Variants in OLFM2 observed in about 807,000 individuals in gnomAD.
The protein encoded by OLFM2 is noelin-2.
Under a neutral mutation model 43.9 loss-of-function variants are expected in OLFM2, and 20 were observed. That is an observed-to-expected ratio of 0.46 (90% CI 0.32 to 0.66). The LOEUF (loss-of-function observed/expected upper bound fraction) is 0.66, where lower values mean the gene tolerates loss of function less well. OLFM2 is among the 30% of genes least tolerant of loss of function. The probability of loss-of-function intolerance (pLI) is 0.04; values close to 1 mark genes in which losing one functional copy is unlikely to be tolerated. For missense variants in OLFM2, 416 were observed against 643.6 expected, an observed-to-expected ratio of 0.65 and a Z score of 3.83; for synonymous variants, 268 against 278.6, an observed-to-expected ratio of 0.96 and a Z score of 0.38.
chr19:9,907,801 G>T (rs1028510324), intron 1 of OLFM2, among the ~76,000 whole-genome samples: 2 of 151,790 alleles, frequency 1.3e-5, no homozygotes, highest in Non-Finnish European at 2.9e-5. Context: ...GTCGGGAGTT[G>T]GAGACCAGCC....
intron 1 of OLFM2, among the ~76,000 whole-genome samples, chr19:9,883,825 C>T (rs1242044279): frequency 6.6e-6 from 1 of 152,152 alleles, no homozygotes; most frequent in Non-Finnish European, 1.5e-5. Context: ...GACCTCATCG[C>T]ACCACCTCCT....
intron 1 of OLFM2, among the ~76,000 whole-genome samples, chr19:9,932,017 T>G (rs1328971477): frequency 6.6e-6 from 1 of 152,184 alleles, no homozygotes; most frequent in Non-Finnish European, 1.5e-5. Flanking sequence ...ATTCAGCAGA[T>G]ATTTCTTGAG....
chr19:9,901,158 G>T (rs1048047707), intron 1 of OLFM2, among the ~76,000 whole-genome samples: 2 of 141,414 alleles, frequency 1.4e-5, no homozygotes, highest in Non-Finnish European at 3.0e-5. Flanking sequence ...GAAAGAAAAA[G>T]AAAGAAAGGA....
intron 1 of OLFM2, among the ~76,000 whole-genome samples, chr19:9,879,781 C>CTT (rs1463162566): frequency 6.6e-6 from 1 of 151,674 alleles, no homozygotes; most frequent in Non-Finnish European, 1.5e-5. Flanking sequence ...GTCTTGAACT[C>CTT]TTTTTTGTCT....
chr19:9,865,762 G>T (rs951999121), intron 1 of OLFM2, among the ~76,000 whole-genome samples: 2 of 149,836 alleles, frequency 1.3e-5, no homozygotes, highest in Non-Finnish European at 3.0e-5. Context: ...AAAATGCTGG[G>T]ATTACAGGCA....
At chr19:9,915,370 T>A (rs1363017116) in intron 1 of OLFM2, among the ~76,000 whole-genome samples, 1 of 149,420 alleles carries the variant, frequency 6.7e-6, no homozygotes, top group Non-Finnish European at 1.5e-5. Context: ...AGCCTCCGGG[T>A]TGGATGTGAA....
At chr19:9,911,931 C>A (rs1224976764) in intron 1 of OLFM2, among the ~76,000 whole-genome samples, 2 of 152,146 alleles carry the variant, frequency 1.3e-5, no homozygotes, top group Admixed American at 1.3e-4. Flanking sequence ...AATCTTGTAA[C>A]ACAGGCAAAC....
chr19:9,918,168 C>T (rs547740522), intron 1 of OLFM2, among the ~76,000 whole-genome samples: 33 of 151,952 alleles, frequency 2.2e-4, no homozygotes, highest in South Asian at 1.9e-3. Flanking sequence ...CATGAGCCAC[C>T]ATGCCTGGCC....
In OLFM2 at chr19:9,854,167, C is replaced by G. The variant is rs772139657; in HGVS notation, c.*19G>C. ...CCCCCAGAGGCCCCCCAGGCAGCAG[C>G]CCGAGCCACAGCATTGGCTCAGGGG... On this transcript the variant is annotated 3_prime_UTR_variant, in exon 6 of 6. Transcript: ENST00000264833. The surrounding 1 kb of genome is among the most constrained non-coding windows in gnomAD (Gnocchi z 9.5). 6 of 1,613,510 alleles carry G rather than the reference C, an allele frequency of 3.7e-6. 1 individual carries two copies. Among genetic ancestry groups the G allele is most frequent in the Non-Finnish European group, 5.1e-6 (6 of 1,179,566 alleles).
At chr19:9,859,994 T>C (rs1218483642) in intron 2 of OLFM2, among the ~76,000 whole-genome samples, 1 of 151,912 alleles carries the variant, frequency 6.6e-6, no homozygotes, top group East Asian at 1.9e-4. Context: ...ATAAAAAAAT[T>C]AGCTGGGCGT....
At chr19:9,889,759 T>C (rs1427756480) in intron 1 of OLFM2, among the ~76,000 whole-genome samples, 2 of 151,918 alleles carry the variant, frequency 1.3e-5, no homozygotes, top group Admixed American at 1.3e-4. Context: ...GGATGGGAAA[T>C]TGTGCATCCA....
intron 1 of OLFM2, among the ~76,000 whole-genome samples, chr19:9,919,512 T>TC (rs1224164352): frequency 1.3e-5 from 2 of 151,838 alleles, no homozygotes; most frequent in Non-Finnish European, 2.9e-5. Flanking sequence ...AGACAGAGTC[T>TC]CGCTCTGTCA....
chr19:9,870,758 C>T (rs1287941052), intron 1 of OLFM2, among the ~76,000 whole-genome samples: 3 of 152,114 alleles, frequency 2.0e-5, no homozygotes, highest in Admixed American at 1.3e-4. Context: ...CCCTGCCACG[C>T]GTTACCCTCC....
In OLFM2 at chr19:9,857,249, G is replaced by C. The variant is rs2046327042; in HGVS notation, c.580+14C>G. 6.2e-7 allele frequency: 1 copy of C among 1,611,560 alleles called. No individual in the cohort carries two copies. Among genetic ancestry groups the C allele is most frequent in the Non-Finnish European group, 8.5e-7 (1 of 1,178,636 alleles). On this transcript the variant is annotated intron_variant, in intron 4 of 5. Transcript: ENST00000264833. The surrounding 1 kb of genome is among the most constrained non-coding windows in gnomAD (Gnocchi z 5.7). Reference sequence around the variant, plus strand: ...GTCAGAGATCAGGGGTCAGGGTCAAGGGCCAAGGCATACCCAGCTTCTGGG... The same window carrying C: ...GTCAGAGATCAGGGGTCAGGGTCAACGGCCAAGGCATACCCAGCTTCTGGG...
intron 1 of OLFM2, among the ~76,000 whole-genome samples, chr19:9,896,420 CAG>C (rs1348958374): frequency 6.6e-6 from 1 of 151,824 alleles, no homozygotes; most frequent in African/African-American, 2.4e-5. Flanking sequence ...TTTTTAGAGA[CAG>C]AGTCTTGCTC....
chr19:9,871,631 T>G (rs2046443243), intron 1 of OLFM2, among the ~76,000 whole-genome samples: 1 of 150,712 alleles, frequency 6.6e-6, no homozygotes, highest in South Asian at 2.1e-4. Context: ...GTGATGTAGC[T>G]GGAATTCGAA....
intron 1 of OLFM2, among the ~76,000 whole-genome samples, chr19:9,863,968 A>G (rs2046382499): frequency 1.3e-5 from 2 of 152,246 alleles, no homozygotes; most frequent in Admixed American, 1.3e-4. Context: ...GGAGCACAGT[A>G]ACTCACTTTC....
At chr19:9,864,001 A>G (rs1254445361) in intron 1 of OLFM2, among the ~76,000 whole-genome samples, 1 of 152,240 alleles carries the variant, frequency 6.6e-6, no homozygotes, top group Non-Finnish European at 1.5e-5. Flanking sequence ...GTACTCAGGT[A>G]GGAGCTGGGT....
rs145229607 is a variant in OLFM2 at position 9,862,309 on chromosome 19, T to C, written c.64-1515A>G. Among the ~76,000 whole-genome samples, 151 of 152,016 alleles carry C rather than the reference T, an allele frequency of 9.9e-4. No homozygotes were observed. In the Middle Eastern group the frequency reaches 0.017, roughly 17 times the overall value. ...AAGAGAATGGGCTCTTGAGATGAAC[T>C]TGAGGGACGAGTGAGACAGAAGAAA... On this transcript the variant is annotated intron_variant, in intron 1 of 5. Coordinates refer to ENST00000264833, the MANE Select transcript of OLFM2 (RefSeq NM_058164.4).
Sources: allele counts gnomAD v4.1 joint callset (sites outside exome capture counted in the v4.1 genomes callset), GRCh38; gene constraint gnomAD v4.1.1; non-coding constraint Gnocchi (gnomAD v3.1); transcripts MANE v1.5; gene names NCBI Gene and HGNC (gene_info 2026-07-23, HGNC 2026-07-21).